Variants in RBFOX1 observed in about 807,000 individuals in gnomAD.
The protein encoded by RBFOX1 is RNA binding fox-1 homolog 1.
Under a neutral mutation model 57.7 loss-of-function variants are expected in RBFOX1, and 8 were observed. The observed-to-expected ratio is 0.14, with a 90% CI of 0.08 to 0.25. The LOEUF is 0.25. Among genes scored for constraint, RBFOX1 ranks in the 10% least tolerant of loss-of-function variants. The pLI, the probability that RBFOX1 is intolerant of heterozygous loss-of-function variation, is 1.00. For missense variants in RBFOX1, 611 were observed against 548.5 expected (o/e 1.11, Z -1.14); for synonymous variants, 326 against 222.4 (o/e 1.47, Z -4.15).
chr16:6,119,388 A>G (rs1386079829), intron 1 of RBFOX1, among the ~76,000 whole-genome samples: 2 of 152,206 alleles, frequency 1.3e-5, no homozygotes, highest in African/African-American at 4.8e-5. Flanking sequence ...CGATGTCTTT[A>G]TATCTTATTA....
intron 1 of RBFOX1, among the ~76,000 whole-genome samples, chr16:6,275,019 A>G (rs1198793922): frequency 2.6e-5 from 4 of 152,224 alleles, no homozygotes; most frequent in Admixed American, 2.0e-4. Context: ...GGAGAGTGAC[A>G]TGGAAATATC....
chr16:6,215,317 GAGAC>G (rs1158141994), intron 1 of RBFOX1, among the ~76,000 whole-genome samples: 2 of 141,916 alleles, frequency 1.4e-5, no homozygotes, highest in Non-Finnish European at 3.1e-5. Flanking sequence ...GAGGTAGAGA[GAGAC>G]AGAGAGGGGA....
intron 1 of RBFOX1, among the ~76,000 whole-genome samples, chr16:6,022,217 TG>T (rs1218451108): frequency 1.3e-5 from 2 of 151,554 alleles, no homozygotes; most frequent in Admixed American, 1.3e-4. Context: ...TTGATCTCCT[TG>T]GCCCCCTGGG....
At position 6,779,909 on chromosome 16, in the gene RBFOX1, T is replaced by TTA. The variant is rs2080229358; in HGVS notation, c.-16+125265_-16+125266dup. On this transcript the variant is annotated intron_variant, in intron 3 of 15. Transcript: ENST00000550418. ...TATATTTATATATATTTATATATAT[T>TTA]TATATATTTATATATATTTATATAT... 3.4e-4 allele frequency among the ~76,000 whole-genome samples: 8 copies of TTA among 23,462 alleles called. 2 individuals are homozygous for TTA. Among genetic ancestry groups the TTA allele is most frequent in the Admixed American group, 1.8e-3 (2 of 1,120 alleles). 15.4% of individuals were successfully genotyped at this position (23,462 alleles called of 152,430 possible).
chr16:6,997,262 C>T (rs2092340700), intron 3 of RBFOX1, among the ~76,000 whole-genome samples: 1 of 150,902 alleles, frequency 6.6e-6, no homozygotes, highest in Non-Finnish European at 1.5e-5. Context: ...CTCAACTTCT[C>T]CTTCTAGTAA....
At chr16:6,801,561 A>C (rs1184530556) in intron 3 of RBFOX1, among the ~76,000 whole-genome samples, 1 of 152,096 alleles carries the variant, frequency 6.6e-6, no homozygotes, top group Non-Finnish European at 1.5e-5. Flanking sequence ...GGTGCAGCAA[A>C]AGGAAGCCCA....
intron 1 of RBFOX1, among the ~76,000 whole-genome samples, chr16:5,387,926 GA>G (rs2066300102): frequency 6.6e-6 from 1 of 152,206 alleles, no homozygotes; most frequent in Admixed American, 6.5e-5. Context: ...GATCTCATGG[GA>G]GAGAAACTCC....
intron 3 of RBFOX1, among the ~76,000 whole-genome samples, chr16:5,716,628 G>T (rs898523406): frequency 6.6e-6 from 1 of 152,220 alleles, no homozygotes; most frequent in African/African-American, 2.4e-5. Context: ...AATTAGTTCA[G>T]CCATCGTGCA....
At chr16:7,370,161 C>A (rs1023022430) in intron 4 of RBFOX1, among the ~76,000 whole-genome samples, 1 of 152,174 alleles carries the variant, frequency 6.6e-6, no homozygotes, top group Admixed American at 6.5e-5. Context: ...CCTGTGGATA[C>A]CAGTAGCACC....
rs924539718 is a variant in RBFOX1 at position 6,019,478 on chromosome 16, C to T, written c.-641C>T. ...CCGAACTCGCGGAGGGGAATCCCTC[C>T]CCCTCCGCCCCAGCCCCCCAGCAGC... On this transcript the variant is annotated 5_prime_UTR_variant, in exon 1 of 16. Coordinates refer to ENST00000550418, the MANE Select transcript of RBFOX1 (RefSeq NM_018723.4). This position sits in a 1 kb window ranked among gnomAD's most constrained non-coding sequence, Gnocchi z 4.2. 3 of 1,003,572 alleles carry T rather than the reference C, an allele frequency of 3.0e-6. No homozygotes were observed. The highest frequency in any genetic ancestry group is 2.4e-6 in the Non-Finnish European group (2 of 842,250). 62.2% of individuals were successfully genotyped at this position (1,003,572 alleles called of 1,614,324 possible).
At chr16:5,270,822 G>C in intron 1 of RBFOX1, 1 of 440,006 alleles carries the variant, frequency 2.3e-6, no homozygotes, top group Non-Finnish European at 4.3e-6. Flanking sequence ...AAAAATGCTG[G>C]AGAACCCTTG....
intron 3 of RBFOX1, among the ~76,000 whole-genome samples, chr16:6,928,594 GTC>G (rs1333443232): frequency 3.9e-5 from 6 of 152,142 alleles, no homozygotes; most frequent in East Asian, 1.9e-4. Flanking sequence ...TCAGCAATGT[GTC>G]TTACAGTTAC....
intron 3 of RBFOX1, among the ~76,000 whole-genome samples, chr16:5,688,159 T>A (rs2050561034): frequency 6.6e-6 from 1 of 152,224 alleles, no homozygotes; most frequent in Admixed American, 6.5e-5. Context: ...TGTTTAGGTA[T>A]GACAGAAAAG....
chr16:7,332,270 T>G (rs2096708052), intron 4 of RBFOX1, among the ~76,000 whole-genome samples: 1 of 152,190 alleles, frequency 6.6e-6, no homozygotes, highest in African/African-American at 2.4e-5. Context: ...TAGTACTGAC[T>G]TCAGAGACTT....
chr16:5,675,792 C>G (rs1056091455), intron 3 of RBFOX1, among the ~76,000 whole-genome samples: 2 of 152,140 alleles, frequency 1.3e-5, no homozygotes, highest in African/African-American at 4.8e-5. Context: ...CTGCTCCTCT[C>G]CATTCTCCTC....
rs74983683 is a variant in RBFOX1 at position 7,299,510 on chromosome 16, A to G, written c.28-218637A>G. On this transcript the variant is annotated intron_variant, in intron 4 of 15. Transcript: ENST00000550418. ...CGATCCTGTCATTACATGCAAAGCA[A>G]TTGCTGCTGAATGGTTGGAATTGGT... 9.5e-3 allele frequency among the ~76,000 whole-genome samples: 1,446 copies of G among 152,280 alleles called. 25 individuals carry two copies. Among genetic ancestry groups the G allele is most frequent in the African/African-American group, 0.033 (1,352 of 41,558 alleles).
At chr16:6,764,080 G>C (rs369678228) in intron 3 of RBFOX1, among the ~76,000 whole-genome samples, 1 of 152,170 alleles carries the variant, frequency 6.6e-6, no homozygotes, top group Non-Finnish European at 1.5e-5. Flanking sequence ...CACTCATAAC[G>C]TGATCTTAAA....
chr16:7,460,389 A>ATATGTGTGTG, intron 4 of RBFOX1, among the ~76,000 whole-genome samples: 4 of 87,212 alleles, frequency 4.6e-5, no homozygotes, highest in Middle Eastern at 5.4e-3. Context: ...ATATATATAT[A>ATATGTGTGTG]TGTGTGTGTG....
chr16:6,565,528 A>G (rs911503220), intron 2 of RBFOX1, among the ~76,000 whole-genome samples: 1 of 150,312 alleles, frequency 6.7e-6, no homozygotes, highest in Admixed American at 6.6e-5. Flanking sequence ...AAGTGCTCGG[A>G]TTACAGGTGT....
Sources: allele counts gnomAD v4.1 joint callset (sites outside exome capture counted in the v4.1 genomes callset), GRCh38; gene constraint gnomAD v4.1.1; non-coding constraint Gnocchi (gnomAD v3.1); transcripts MANE v1.5; gene names NCBI Gene and HGNC (gene_info 2026-07-23, HGNC 2026-07-21).